Variants in MED27 observed in about 807,000 individuals in gnomAD.
The protein encoded by MED27 is mediator of RNA polymerase II transcription subunit 27.
In MED27, 30 loss-of-function variants were observed where a neutral mutation model predicts 38.2. The ratio of observed to expected loss-of-function variants is 0.79; its 90% CI spans 0.59 to 1.07. The LOEUF is 1.07. Ranked by LOEUF, MED27 falls within the 50% of genes least tolerant of loss-of-function variation. The pLI, the probability that MED27 is intolerant of heterozygous loss-of-function variation, is 0.00. For synonymous variants in MED27, 122 were observed against 153.5 expected, an observed-to-expected ratio of 0.79 and a Z score of 1.52; for missense variants, 289 against 397.5, an observed-to-expected ratio of 0.73 and a Z score of 2.32.
intron 3 of MED27, among the ~76,000 whole-genome samples, chr9:131,956,825 TAA>T (rs558809280): frequency 2.8e-5 from 4 of 141,922 alleles, no homozygotes; most frequent in Non-Finnish European, 4.6e-5. Flanking sequence ...AATTGATGAT[TAA>T]AAAAAAAAAA....
chr9:132,008,637 T>G (rs768035510), intron 3 of MED27, among the ~76,000 whole-genome samples: 2 of 152,242 alleles, frequency 1.3e-5, no homozygotes, highest in Non-Finnish European at 2.9e-5. Context: ...AGACTACCGT[T>G]AGAGCCCTGC....
At chr9:131,871,486 GT>G (rs1838833070) in intron 6 of MED27, among the ~76,000 whole-genome samples, 1 of 152,204 alleles carries the variant, frequency 6.6e-6, no homozygotes, top group African/African-American at 2.4e-5. Context: ...AAGGGGAAAA[GT>G]TAAGAAGATG....
At chr9:132,036,116 C>A (rs1327463626) in intron 2 of MED27, among the ~76,000 whole-genome samples, 2 of 152,172 alleles carry the variant, frequency 1.3e-5, no homozygotes, top group African/African-American at 4.8e-5. Flanking sequence ...TATTCCCTGG[C>A]TAACGTTTAT....
At chr9:131,960,411 T>C (rs1206715024) in intron 3 of MED27, among the ~76,000 whole-genome samples, 1 of 152,162 alleles carries the variant, frequency 6.6e-6, no homozygotes, top group African/African-American at 2.4e-5. Context: ...GGTGTGTGTG[T>C]GCGCTCGTGC....
chr9:131,868,542 C>T (rs1838773763), intron 6 of MED27: 1 of 976,820 alleles, frequency 1.0e-6, no homozygotes. Flanking sequence ...TGACAAAGTG[C>T]TGGGATTACA....
intron 2 of MED27, among the ~76,000 whole-genome samples, chr9:132,028,522 A>T (rs1324203817): frequency 6.6e-6 from 1 of 151,972 alleles, no homozygotes; most frequent in Non-Finnish European, 1.5e-5. Context: ...AAAAAAAAAA[A>T]ATCCAAAGAG....
chr9:131,922,372 G>A (rs1830408427), intron 4 of MED27, among the ~76,000 whole-genome samples: 1 of 150,818 alleles, frequency 6.6e-6, no homozygotes. Flanking sequence ...CATTATGAGT[G>A]TTATTTATTT....
rs144191574 is a variant in MED27 at position 132,079,362 on chromosome 9, G to A, written c.203+280C>T. On this transcript the variant is annotated intron_variant, in intron 1 of 7. Transcript: ENST00000292035. The stretch of plus-strand genomic sequence containing the variant: ...CAAGCTCAGAGAAGTGGAAGTTCAT[G>A]GGAAAAGCATGCCTCCTTGTTAGGA... Among the ~76,000 whole-genome samples the A allele has an allele frequency of 8.5e-4, 130 of 152,302 alleles. 3 individuals are homozygous for A. Among genetic ancestry groups the A allele is most frequent in the East Asian group, 7.5e-3 (39 of 5,178 alleles).
At chr9:131,947,502 A>G (rs1355125894) in intron 3 of MED27, among the ~76,000 whole-genome samples, 1 of 152,246 alleles carries the variant, frequency 6.6e-6, no homozygotes, top group Non-Finnish European at 1.5e-5. Context: ...TGGGATTACA[A>G]TACTAAAATG....
intron 2 of MED27, among the ~76,000 whole-genome samples, chr9:132,017,563 A>T (rs1388479204): frequency 1.3e-5 from 2 of 152,212 alleles, no homozygotes; most frequent in Non-Finnish European, 2.9e-5. Context: ...GAAATGATCT[A>T]TTCTTTTAAC....
chr9:132,046,810 C>T (rs754732550), intron 2 of MED27, among the ~76,000 whole-genome samples: 2 of 152,210 alleles, frequency 1.3e-5, no homozygotes, highest in Non-Finnish European at 2.9e-5. Context: ...TGCAACCTTG[C>T]TTTTATTCTC....
At chr9:132,030,737 A>G (rs762086764) in intron 2 of MED27, among the ~76,000 whole-genome samples, 20 of 152,268 alleles carry the variant, frequency 1.3e-4, no homozygotes, top group Non-Finnish European at 2.6e-4. Context: ...AGCAAAATGT[A>G]TCAAAAACAG....
intron 2 of MED27, among the ~76,000 whole-genome samples, chr9:132,028,037 C>T (rs1589275155): frequency 6.6e-6 from 1 of 152,162 alleles, no homozygotes; most frequent in Non-Finnish European, 1.5e-5. Context: ...CACACACAGC[C>T]GGACAACCTA....
intron 2 of MED27, among the ~76,000 whole-genome samples, chr9:132,046,234 A>G (rs1833334201): frequency 6.6e-6 from 1 of 152,218 alleles, no homozygotes. Context: ...ATAAACTAGC[A>G]CGGTAAACTG....
At chr9:131,950,216 G>A (rs546538569) in intron 3 of MED27, among the ~76,000 whole-genome samples, 3 of 152,168 alleles carry the variant, frequency 2.0e-5, no homozygotes, top group East Asian at 1.9e-4. Context: ...AATTAACAAC[G>A]GTTATTAAGT....
In MED27 at chr9:131,912,425, A is replaced by G. The variant is rs76952677; in HGVS notation, c.574-18433T>C. On this transcript the variant is annotated intron_variant, in intron 4 of 7. Transcript: ENST00000292035. ...CAGGAAAAAAATAACTCGCTATTCA[A>G]CCAGGCACTGGTAGCCTGGATCCTG... 2.1e-3 allele frequency among the ~76,000 whole-genome samples: 324 copies of G among 152,220 alleles called. 1 individual carries two copies. The highest frequency in any genetic ancestry group is 7.6e-3 in the African/African-American group (315 of 41,530).
chr9:131,990,722 C>T (rs538891205), intron 3 of MED27, among the ~76,000 whole-genome samples: 2 of 152,290 alleles, frequency 1.3e-5, no homozygotes, highest in African/African-American at 2.4e-5. Flanking sequence ...GTCCCAGGAA[C>T]GTGGGTTCTG....
At chr9:131,977,661 C>G (rs889350611) in intron 3 of MED27, among the ~76,000 whole-genome samples, 2 of 152,130 alleles carry the variant, frequency 1.3e-5, no homozygotes, top group African/African-American at 4.8e-5. Context: ...TGGGGCTGCT[C>G]TTGGTTCATG....
intron 3 of MED27, among the ~76,000 whole-genome samples, chr9:131,985,081 G>A (rs1034122541): frequency 2.0e-5 from 3 of 152,158 alleles, no homozygotes; most frequent in Admixed American, 6.5e-5. Flanking sequence ...TATTGCAGGT[G>A]TGTGGCCTAA....
Sources: allele counts gnomAD v4.1 joint callset (sites outside exome capture counted in the v4.1 genomes callset), GRCh38; gene constraint gnomAD v4.1.1; transcripts MANE v1.5; gene names NCBI Gene and HGNC (gene_info 2026-07-23, HGNC 2026-07-21).